ZSCAN2: variants seen among roughly 807,000 people sequenced by gnomAD.
ZSCAN2 encodes the protein zinc finger and SCAN domain-containing protein 2.
ZSCAN2 carries 26 observed loss-of-function variants against 47.8 expected under a neutral mutation model. The observed-to-expected ratio is 0.54, with a 90% confidence interval of 0.40 to 0.75. ZSCAN2 has a LOEUF of 0.75. Among genes scored for constraint, ZSCAN2 ranks in the 30% least tolerant of loss-of-function variants. ZSCAN2 has a pLI of 0.00. For missense variants in ZSCAN2, 732 were observed against 785.4 expected, an observed-to-expected ratio of 0.93 and a Z score of 0.81; for synonymous variants, 305 against 288.7, an observed-to-expected ratio of 1.06 and a Z score of -0.57.
chr15:84,622,835 G>T lies in ZSCAN2; in HGVS notation c.*795G>T. 1 of 629,332 alleles carries T rather than the reference G, an allele frequency of 1.6e-6. No individual in the cohort carries two copies. Among genetic ancestry groups the T allele is most frequent in the Non-Finnish European group, 2.9e-6 (1 of 345,278 alleles). 39.0% of individuals were successfully genotyped at this position (629,332 alleles called of 1,614,324 possible). ...CCAGGGGAACACATTTGTTCTCGTGGGGTTTTGTCCTGGAGAGTGTAGTGA... is the reference window on the plus strand; with the variant it reads ...CCAGGGGAACACATTTGTTCTCGTGTGGTTTTGTCCTGGAGAGTGTAGTGA... On this transcript the variant is annotated 3_prime_UTR_variant, in exon 3 of 3. Coordinates refer to ENST00000546148, the MANE Select transcript of ZSCAN2 (RefSeq NM_181877.4).
At chr15:84,604,641 C>G (rs1895320503) in intron 2 of ZSCAN2, among the ~76,000 whole-genome samples, 1 of 152,116 alleles carries the variant, frequency 6.6e-6, no homozygotes, top group Non-Finnish European at 1.5e-5. Context: ...ATGGAGACCC[C>G]TGGCACCTTC....
chr15:84,605,028 G>A (rs202139013), intron 2 of ZSCAN2, among the ~76,000 whole-genome samples: 2 of 152,130 alleles, frequency 1.3e-5, no homozygotes, highest in African/African-American at 2.4e-5. Context: ...GAGTCACCAC[G>A]CCTGGCCCCA....
At chr15:84,611,693 A>G (rs1447505502) in intron 2 of ZSCAN2, 1 of 152,228 alleles carries the variant, frequency 6.6e-6, no homozygotes, top group Non-Finnish European at 1.5e-5. Flanking sequence ...GGTTGCCAAG[A>G]TCGCGCCACT....
At chr15:84,609,245 T>C (rs1895472722) in intron 2 of ZSCAN2, among the ~76,000 whole-genome samples, 1 of 149,614 alleles carries the variant, frequency 6.7e-6, no homozygotes, top group Non-Finnish European at 1.5e-5. Context: ...ACAAAATTAC[T>C]TTTATATATA....
At chr15:84,613,723 G>A (rs948344088) in intron 2 of ZSCAN2, among the ~76,000 whole-genome samples, 1 of 151,118 alleles carries the variant, frequency 6.6e-6, no homozygotes, top group Non-Finnish European at 1.5e-5. Context: ...CACCCAGGCT[G>A]GAGTGCAGTG....
chr15:84,615,873 G>C (rs1895679377), intron 2 of ZSCAN2, among the ~76,000 whole-genome samples: 1 of 151,860 alleles, frequency 6.6e-6, no homozygotes, highest in Non-Finnish European at 1.5e-5. Context: ...GCTCTTCTCT[G>C]TGGTATTCCT....
chr15:84,611,152 G>A (rs776699402), intron 2 of ZSCAN2, among the ~76,000 whole-genome samples: 14 of 151,986 alleles, frequency 9.2e-5, no homozygotes, highest in Non-Finnish European at 1.3e-4. Flanking sequence ...AAAATTAGCC[G>A]GGCATGTGGT....
intron 2 of ZSCAN2, among the ~76,000 whole-genome samples, chr15:84,604,798 C>T (rs566983348): frequency 3.4e-4 from 48 of 140,740 alleles, no homozygotes; most frequent in South Asian, 3.3e-3. Context: ...GGTGCAGTGG[C>T]ACAATCTTGG....
chr15:84,605,229 G>T (rs1895345766), intron 2 of ZSCAN2, among the ~76,000 whole-genome samples: 1 of 152,198 alleles, frequency 6.6e-6, no homozygotes, highest in South Asian at 2.1e-4. Context: ...TTTAACCGCT[G>T]TCTCCCTCCT....
chr15:84,604,348 C>G lies in ZSCAN2; in HGVS notation c.406+15C>G. On this transcript the variant is annotated intron_variant, in intron 2 of 2. Coordinates refer to ENST00000546148, the MANE Select transcript of ZSCAN2 (RefSeq NM_181877.4). ...TCAGGACAGTGGTGAGACGCAGAAC[C>G]TCATAGGGAGAGGGCGGGAGCACCC... The G allele has an allele frequency of 1.9e-6, 3 of 1,592,074 alleles. No homozygotes were observed.
intron 2 of ZSCAN2, among the ~76,000 whole-genome samples, chr15:84,617,215 C>T (rs1404583370): frequency 6.6e-6 from 1 of 152,002 alleles, no homozygotes; most frequent in African/African-American, 2.4e-5. Flanking sequence ...GCGGGCGGCT[C>T]ACTTGAGGTC....
At position 84,620,930 on chromosome 15, in the gene ZSCAN2, A is replaced by G; in HGVS notation, c.735A>G (p.Thr245=). Residue 245 remains threonine (T), a synonymous_variant, in exon 3 of 3, where the codon ACA becomes ACG. Coordinates refer to ENST00000546148, the MANE Select transcript of ZSCAN2 (RefSeq NM_181877.4). ...SHLITHERTH[T]GEKYYKCDEC... is the part of the protein sequence containing the mutation. ...TCATCACACACGAGAGGACCCACAC[A>G]GGAGAGAAATACTACAAATGTGATG... 6.2e-7 allele frequency: 1 copy of G among 1,614,186 alleles called. No homozygotes were observed. Among genetic ancestry groups the G allele is most frequent in the Non-Finnish European group, 8.5e-7 (1 of 1,180,030 alleles).
chr15:84,617,638 T>C (rs1458346411), intron 2 of ZSCAN2, among the ~76,000 whole-genome samples: 1 of 151,100 alleles, frequency 6.6e-6, no homozygotes, highest in South Asian at 2.1e-4. Flanking sequence ...TGTTTTCAAC[T>C]TTAAAGGTGA....
rs1305690073 is a variant in ZSCAN2, at chr15:84,622,859, G to A, written c.*819G>A. Reference sequence around the variant, plus strand: ...GGGGTTTTGTCCTGGAGAGTGTAGTGAAGTCCGAGAGCCCTAGCTGCCAAC... The same window carrying A: ...GGGGTTTTGTCCTGGAGAGTGTAGTAAAGTCCGAGAGCCCTAGCTGCCAAC... On this transcript the variant is annotated 3_prime_UTR_variant, in exon 3 of 3. Transcript: ENST00000546148. 1.7e-6 allele frequency: 1 copy of A among 601,650 alleles called. No homozygotes were observed. Among genetic ancestry groups the A allele is most frequent in the Non-Finnish European group, 3.0e-6 (1 of 331,044 alleles). 37.3% of individuals were successfully genotyped at this position (601,650 alleles called of 1,614,324 possible).
Position 84,622,832 on chromosome 15 carries a change from G to A in ZSCAN2, c.*792G>A, listed in dbSNP as rs759789153. On this transcript the variant is annotated 3_prime_UTR_variant, in exon 3 of 3. Coordinates refer to ENST00000546148, the MANE Select transcript of ZSCAN2 (RefSeq NM_181877.4). ...CTACCAGGGGAACACATTTGTTCTC[G>A]TGGGGTTTTGTCCTGGAGAGTGTAG... 5 of 628,652 alleles carry A rather than the reference G, an allele frequency of 8.0e-6. No homozygotes were observed. Among genetic ancestry groups the A allele is most frequent in the Admixed American group, 2.8e-5 (1 of 36,362 alleles). The allele number at this position is 628,652 out of a possible 1,614,324, so 38.9% of individuals were successfully genotyped here.
chr15:84,609,935 T>C (rs1156799912), intron 2 of ZSCAN2, among the ~76,000 whole-genome samples: 1 of 152,184 alleles, frequency 6.6e-6, no homozygotes, highest in Non-Finnish European at 1.5e-5. Context: ...CCATGTTCAT[T>C]CTGGTATGCT....
chr15:84,613,402 C>T (rs1462806437), intron 2 of ZSCAN2, among the ~76,000 whole-genome samples: 1 of 152,084 alleles, frequency 6.6e-6, no homozygotes, highest in Non-Finnish European at 1.5e-5. Flanking sequence ...TACACTGCAA[C>T]CTCTGCCTCC....
intron 2 of ZSCAN2, among the ~76,000 whole-genome samples, chr15:84,609,864 G>T (rs947501092): frequency 1.3e-5 from 2 of 152,232 alleles, no homozygotes; most frequent in East Asian, 3.9e-4. Flanking sequence ...CAAAGACTGT[G>T]ACCAGTTTAT....
Position 84,620,864 on chromosome 15 carries a change from A to T in ZSCAN2, c.669A>T (p.Glu223Asp). 1 of 1,614,208 alleles carries T rather than the reference A, an allele frequency of 6.2e-7. No individual in the cohort carries two copies. The highest frequency in any genetic ancestry group is 1.3e-5 in the African/African-American group (1 of 75,058). Residue 223 changes from glutamate (E) to aspartate (D), a missense_variant, in exon 3 of 3, where the codon GAA becomes GAT. Around this residue, in one of 2 missense-constraint regions of ZSCAN2, gnomAD observed 320 missense variants for 287.4 expected, o/e 1.11. Coordinates refer to ENST00000546148, the MANE Select transcript of ZSCAN2 (RefSeq NM_181877.4). ...CCTACCTAGGGGAGAAGCCCTACGA[A>T]TGTCCCCAGTGTGGGAAGACCTTCA... ...QGTYLGEKPY[E>D]CPQCGKTFSR...
Sources: allele counts gnomAD v4.1 joint callset (sites outside exome capture counted in the v4.1 genomes callset), GRCh38; gene constraint gnomAD v4.1.1; regional missense constraint gnomAD v4.1.1; transcripts MANE v1.5; gene names NCBI Gene and HGNC (gene_info 2026-07-23, HGNC 2026-07-21).